SEC23A: variants seen among roughly 807,000 people sequenced by gnomAD.
SEC23A encodes SEC23 homolog A, COPII component, also known as protein transport protein Sec23A.
Under a neutral mutation model 103.7 loss-of-function variants are expected in SEC23A, and 56 were observed. The observed-to-expected ratio is 0.54, with a 90% confidence interval of 0.44 to 0.67. The LOEUF is 0.67. Ranked by LOEUF, SEC23A falls within the 30% of genes least tolerant of loss-of-function variation. SEC23A has a pLI of 0.00. For synonymous variants in SEC23A, 281 were observed against 293.0 expected (o/e 0.96, Z 0.42); for missense variants, 784 against 936.4 (o/e 0.84, Z 2.12).
At position 39,075,917 on chromosome 14, in the gene SEC23A, T is replaced by C. The variant is rs184029174; in HGVS notation, c.987+18A>G. ...CCTGTTTTCTAATAAGGCAAAAATA[T>C]TTAACAGTCAAAATTACCTTAGTTC... On this transcript the variant is annotated intron_variant, in intron 8 of 19. Coordinates refer to ENST00000307712, the MANE Select transcript of SEC23A (RefSeq NM_006364.4). 6.2e-7 allele frequency: 1 copy of C among 1,611,290 alleles called. No individual in the cohort carries two copies. Among genetic ancestry groups the C allele is most frequent in the East Asian group, 2.2e-5 (1 of 44,806 alleles).
chr14:39,063,053 C>CA (rs928832963), intron 12 of SEC23A, among the ~76,000 whole-genome samples: 4 of 151,498 alleles, frequency 2.6e-5, no homozygotes, highest in African/African-American at 9.7e-5. Context: ...ATTTTATATT[C>CA]AAAAAAAAGA....
At chr14:39,083,864 C>G in intron 7 of SEC23A, among the ~76,000 whole-genome samples, 1 of 151,672 alleles carries the variant, frequency 6.6e-6, no homozygotes, top group East Asian at 2.0e-4. Context: ...CACGCCAAGC[C>G]CAAAATTAAC....
chr14:39,084,316 G>A (rs890163381), intron 7 of SEC23A, among the ~76,000 whole-genome samples: 6 of 151,844 alleles, frequency 4.0e-5, no homozygotes, highest in Admixed American at 2.0e-4. Flanking sequence ...GTGAACCACC[G>A]CACCCAGCCA....
intron 7 of SEC23A, among the ~76,000 whole-genome samples, chr14:39,077,241 A>AAG (rs1887063512): frequency 6.7e-6 from 1 of 148,262 alleles, no homozygotes; most frequent in South Asian, 2.1e-4. Flanking sequence ...AAAAAAAAAA[A>AAG]AAAAAAAAAA....
chr14:39,078,303 A>G (rs1887109557), intron 7 of SEC23A, among the ~76,000 whole-genome samples: 1 of 152,144 alleles, frequency 6.6e-6, no homozygotes, highest in Non-Finnish European at 1.5e-5. Context: ...AAATAATGCA[A>G]GCAGTAGATC....
chr14:39,092,859 GTTTGT>G (rs1414928128), intron 3 of SEC23A: 8 of 502,068 alleles, frequency 1.6e-5, no homozygotes, highest in Non-Finnish European at 2.8e-5. Context: ...TTGTTTGTTT[GTTTGT>G]TTTGTTTGTT....
At chr14:39,059,810 T>C (rs1262508342) in intron 13 of SEC23A, among the ~76,000 whole-genome samples, 1 of 152,190 alleles carries the variant, frequency 6.6e-6, no homozygotes, top group Non-Finnish European at 1.5e-5. Context: ...ATAATGCCAT[T>C]ATCATATAGA....
chr14:39,099,154 G>GTT (rs35763261), intron 1 of SEC23A, among the ~76,000 whole-genome samples: 132 of 83,636 alleles, frequency 1.6e-3, no homozygotes, highest in African/African-American at 3.4e-3. Context: ...TTGTTTTTGG[G>GTT]TTTTTTTTTT....
chr14:39,102,092 C>A (rs1888119930), intron 1 of SEC23A, among the ~76,000 whole-genome samples: 1 of 152,066 alleles, frequency 6.6e-6, no homozygotes, highest in African/African-American at 2.4e-5. Flanking sequence ...ATTAGCCGGG[C>A]ATAGTAGCTC....
chr14:39,036,432 T>C (rs1423947276), intron 19 of SEC23A, among the ~76,000 whole-genome samples: 1 of 152,012 alleles, frequency 6.6e-6, no homozygotes, highest in Non-Finnish European at 1.5e-5. Context: ...TAATCTTCAG[T>C]TGATTTTTGT....
rs557563328 is a variant in SEC23A, at chr14:39,079,064, C to T, written c.829-2971G>A. ...AAAAATAAGTTTCCTAAAAAAAGAA[C>T]GAGACTACATCCAATTATCATCAAT... On this transcript the variant is annotated intron_variant, in intron 7 of 19. Transcript: ENST00000307712. 8.5e-5 allele frequency among the ~76,000 whole-genome samples: 13 copies of T among 152,140 alleles called. No homozygotes were observed. The South Asian group carries it at 1.0e-3, about 12-fold the overall frequency.
At chr14:39,101,412 G>T (rs1019441880) in intron 1 of SEC23A, among the ~76,000 whole-genome samples, 1 of 151,820 alleles carries the variant, frequency 6.6e-6, no homozygotes, top group Admixed American at 6.6e-5. Context: ...GAGGTCAGGA[G>T]ATCGAGACCA....
Position 39,049,855 on chromosome 14 carries a change from C to T in SEC23A, c.1660-1126G>A, listed in dbSNP as rs573742209. Among the ~76,000 whole-genome samples the T allele has an allele frequency of 8.6e-5, 13 of 151,404 alleles. 1 individual carries two copies. In the East Asian group the frequency reaches 1.8e-3, roughly 21 times the overall value. On this transcript the variant is annotated intron_variant, in intron 14 of 19. Coordinates refer to ENST00000307712, the MANE Select transcript of SEC23A (RefSeq NM_006364.4). ...TCACCCAGGATGGAGTGCAGTGGCG[C>T]GATCTCGGTTCACTGCAAGCTCCGC...
Position 39,040,858 on chromosome 14 carries a change from G to GT in SEC23A, c.2015dup (p.Tyr672Ter). Residue 672 changes from tyrosine (Y) to a stop codon, truncating the protein, a stop_gained and frameshift_variant, in exon 18 of 20, where the codon TAC becomes TAAC. Coordinates refer to ENST00000307712, the MANE Select transcript of SEC23A (RefSeq NM_006364.4). LOFTEE classifies it high-confidence loss of function. ...AATTTTCATACTCAGGCATATCCTG[G>GT]TATCCTGACTTCCGCCACTGTGCTA... ...ETIAQWRKSG[Y>*]QDMPEYENFR... is the part of the protein sequence containing the mutation. 1 of 1,614,024 alleles carries GT rather than the reference G, an allele frequency of 6.2e-7. No individual in the cohort carries two copies.
rs141480252 is a variant in SEC23A at position 39,068,597 on chromosome 14, C to T, written c.1104-1301G>A. ...TTAGAGACTAGTTGAAAAAATATTA[C>T]ATCCACACAATGGAGTAATACACTG... On this transcript the variant is annotated intron_variant, in intron 9 of 19. Coordinates refer to ENST00000307712, the MANE Select transcript of SEC23A (RefSeq NM_006364.4). Among the ~76,000 whole-genome samples, 136 of 152,106 alleles carry T rather than the reference C, an allele frequency of 8.9e-4. 3 individuals carry two copies. The highest frequency in any genetic ancestry group is 8.1e-3 in the Admixed American group (123 of 15,274).
chr14:39,088,312 T>C (rs928399772), intron 5 of SEC23A: 2 of 152,126 alleles, frequency 1.3e-5, no homozygotes, highest in Non-Finnish European at 2.9e-5. Flanking sequence ...AAAAGGAAGA[T>C]GTGGCCAGGC....
Position 39,074,426 on chromosome 14 carries a change from G to A in SEC23A, c.1092C>T (p.Pro364=), listed in dbSNP as rs77375580. The A allele has an allele frequency of 1.3e-3, 2,063 of 1,602,822 alleles. 14 individuals are homozygous for A. The African/African-American group carries it at 0.021, about 16-fold the overall frequency. Residue 364 remains proline, a synonymous_variant, in exon 9 of 20, where the codon CCC becomes CCT. Transcript: ENST00000307712. ...QTGLLEMKCC[P]NLTGGYMVMG... ...ATTTAAATACATACCCAGTAAGGTTGGGACAGCATTTCATCTCCAGGAGAC... is the reference window on the plus strand; with the variant it reads ...ATTTAAATACATACCCAGTAAGGTTAGGACAGCATTTCATCTCCAGGAGAC...
At position 39,096,145 on chromosome 14, in the gene SEC23A, T is replaced by C. The variant is rs775998683; in HGVS notation, c.-21-6A>G. 1 of 1,537,968 alleles carries C rather than the reference T, an allele frequency of 6.5e-7. No homozygotes were observed. ...GTGGAGTTTGATTCTTATTTCTGTA[T>C]CAAAATTTTAAAATATTTTAAAATC... On this transcript the variant is annotated splice_region_variant and splice_polypyrimidine_tract_variant and intron_variant, in intron 1 of 19. Transcript: ENST00000307712.
intron 6 of SEC23A, among the ~76,000 whole-genome samples, chr14:39,086,167 GTGA>G (rs1167741595): frequency 6.6e-6 from 1 of 152,116 alleles, no homozygotes; most frequent in Admixed American, 6.6e-5. Flanking sequence ...TAGGTGACAC[GTGA>G]TGATAACAGC....
Sources: gnomAD v4.1 joint callset for allele counts (sites outside exome capture counted in the v4.1 genomes callset) on GRCh38, gnomAD v4.1.1 for gene constraint, MANE v1.5 for transcripts, NCBI Gene and HGNC (gene_info 2026-07-23, HGNC 2026-07-21) for gene names.